TNRC6B: variants seen among roughly 807,000 people sequenced by gnomAD.
TNRC6B encodes the protein trinucleotide repeat containing adaptor 6B, also known as trinucleotide repeat-containing gene 6B protein.
TNRC6B carries 52 observed loss-of-function variants against 203.6 expected under a neutral mutation model. That is an observed-to-expected ratio of 0.26 (90% confidence interval 0.20 to 0.32). The LOEUF (loss-of-function observed/expected upper bound fraction) is 0.32, where lower values mean the gene tolerates loss of function less well. Among genes scored for constraint, TNRC6B ranks in the 10% least tolerant of loss-of-function variants. The pLI is 1.00. For synonymous variants in TNRC6B, 838 were observed against 845.7 expected (o/e 0.99, Z 0.16); for missense variants, 1,923 against 2,286.2 (o/e 0.84, Z 3.24).
intron 1 of TNRC6B, among the ~76,000 whole-genome samples, chr22:40,222,508 C>T (rs1488068212): frequency 1.3e-5 from 2 of 152,082 alleles, no homozygotes; most frequent in African/African-American, 4.8e-5. Context: ...CTAAGGTGGC[C>T]TTTCTTCTGA....
At chr22:40,192,708 C>G (rs1871494769) in intron 1 of TNRC6B, among the ~76,000 whole-genome samples, 1 of 151,702 alleles carries the variant, frequency 6.6e-6, no homozygotes, top group Non-Finnish European at 1.5e-5. Flanking sequence ...GATCCTAGAT[C>G]AGCCCCAGGC....
chr22:40,255,889 G>A (rs1223477046), intron 3 of TNRC6B, among the ~76,000 whole-genome samples: 1 of 152,120 alleles, frequency 6.6e-6, no homozygotes, highest in East Asian at 1.9e-4. Flanking sequence ...GTCTTGCTCT[G>A]TTGCCCCAGC....
At chr22:40,263,548 G>T (rs1051890862) in intron 4 of TNRC6B, among the ~76,000 whole-genome samples, 3 of 152,104 alleles carry the variant, frequency 2.0e-5, no homozygotes, top group Admixed American at 2.0e-4. Context: ...CTCGAGTTTC[G>T]GTTTCTATGC....
At position 40,326,514 on chromosome 22, in the gene TNRC6B, GTGTT is replaced by G. The variant is rs1313260712; in HGVS notation, c.*3276_*3279del. On this transcript the variant is annotated 3_prime_UTR_variant, in exon 23 of 23. Transcript: ENST00000454349. ...AAATTGTGTGTAGTTTAATGGGAGA[GTGTT>G]TGGTGTATATAGATGAGAATGCCAT... 1 of 152,614 alleles carries G rather than the reference GTGTT, an allele frequency of 6.6e-6. No homozygotes were observed. 9.5% of individuals were successfully genotyped at this position (152,614 alleles called of 1,614,324 possible). A position where few individuals can be genotyped will look rare whatever the true frequency, so the allele number is the denominator to read the frequency against.
chr22:40,165,754 G>T (rs1233876656), intron 4 of TNRC6B, among the ~76,000 whole-genome samples: 1 of 152,078 alleles, frequency 6.6e-6, no homozygotes, highest in Non-Finnish European at 1.5e-5. Flanking sequence ...GCTGAGCAAT[G>T]GGGGGGAAAG....
chr22:40,325,123 G>C lies in TNRC6B; in HGVS notation c.*1882G>C, dbSNP rs1489215332. ...GTTTAACATAAAGTGCCGACATTTTGTACCAGCAAATACCTGCCCATTCCA... is the reference window on the plus strand; with the variant it reads ...GTTTAACATAAAGTGCCGACATTTTCTACCAGCAAATACCTGCCCATTCCA... On this transcript the variant is annotated 3_prime_UTR_variant, in exon 23 of 23. Transcript: ENST00000454349. The C allele has an allele frequency of 6.6e-6, 1 of 152,610 alleles. No individual in the cohort carries two copies. Among genetic ancestry groups the C allele is most frequent in the East Asian group, 1.9e-4 (1 of 5,196 alleles). 9.5% of individuals were successfully genotyped at this position (152,610 alleles called of 1,614,324 possible).
intron 1 of TNRC6B, among the ~76,000 whole-genome samples, chr22:40,193,999 CAGTT>C (rs1226191409): frequency 2.0e-5 from 3 of 152,050 alleles, no homozygotes; most frequent in African/African-American, 7.3e-5. Context: ...GTGAAGAACA[CAGTT>C]AGTTGGGGTT....
At chr22:40,262,996 C>T (rs565852822) in intron 4 of TNRC6B, among the ~76,000 whole-genome samples, 5 of 150,074 alleles carry the variant, frequency 3.3e-5, no homozygotes, top group South Asian at 2.1e-4. Context: ...GCCGAGGTCG[C>T]GCCATTGCAC....
At chr22:40,058,743 A>G (rs1020501830) in intron 1 of TNRC6B, among the ~76,000 whole-genome samples, 1 of 152,162 alleles carries the variant, frequency 6.6e-6, no homozygotes, top group African/African-American at 2.4e-5. Flanking sequence ...CCACCTGCCC[A>G]GTACTTGAAT....
chr22:40,053,559 A>C (rs1316972429), intron 1 of TNRC6B, among the ~76,000 whole-genome samples: 1 of 152,142 alleles, frequency 6.6e-6, no homozygotes, highest in Non-Finnish European at 1.5e-5. Flanking sequence ...GTTCTCTTAG[A>C]CTTTACTCAT....
chr22:40,308,335 C>G (rs914856174), intron 15 of TNRC6B, among the ~76,000 whole-genome samples, 177 bp from the exon 16 acceptor site: 1 of 152,210 alleles, frequency 6.6e-6, no homozygotes, highest in African/African-American at 2.4e-5. Context: ...AGAGAGACAT[C>G]ACTTATTTAG....
intron 10 of TNRC6B, 68 bp from the exon 11 acceptor site, chr22:40,281,051 C>T: frequency 3.8e-6 from 5 of 1,308,108 alleles, no homozygotes; most frequent in South Asian, 1.6e-5. Flanking sequence ...CTCTCTTTTC[C>T]CTTCTTGCAT....
intron 1 of TNRC6B, among the ~76,000 whole-genome samples, chr22:40,047,037 C>G (rs1420118235): frequency 6.6e-6 from 1 of 152,124 alleles, no homozygotes; most frequent in Non-Finnish European, 1.5e-5. Context: ...CTATGCCAGC[C>G]TTTTGACATC....
intron 1 of TNRC6B, among the ~76,000 whole-genome samples, chr22:40,196,442 G>A (rs2069338377): frequency 6.6e-6 from 1 of 152,090 alleles, no homozygotes; most frequent in Non-Finnish European, 1.5e-5. Flanking sequence ...ACCCACCACT[G>A]AATAAATGAG....
At chr22:40,091,226 G>A (rs189217763) in intron 1 of TNRC6B, among the ~76,000 whole-genome samples, 13 of 151,824 alleles carry the variant, frequency 8.6e-5, no homozygotes, top group Non-Finnish European at 1.6e-4. Context: ...CTCGTGATCC[G>A]CCCGCCTCAG....
chr22:40,075,994 A>G (rs1013646150), intron 1 of TNRC6B, among the ~76,000 whole-genome samples: 1 of 152,238 alleles, frequency 6.6e-6, no homozygotes, highest in African/African-American at 2.4e-5. Context: ...AAAAGCCTGA[A>G]AAAGAAAAGT....
chr22:40,215,071 T>TA (rs1170212028), intron 1 of TNRC6B, among the ~76,000 whole-genome samples: 10 of 152,140 alleles, frequency 6.6e-5, no homozygotes, highest in Non-Finnish European at 1.5e-4. Context: ...CTTTTTTTTT[T>TA]AACCTTTTAA....
intron 2 of TNRC6B, among the ~76,000 whole-genome samples, chr22:40,120,648 T>C (rs1234509876): frequency 4.6e-5 from 7 of 152,186 alleles, no homozygotes; most frequent in Admixed American, 4.6e-4. Context: ...ATGTCAGATA[T>C]AAGTTGAGAT....
intron 1 of TNRC6B, among the ~76,000 whole-genome samples, chr22:40,208,631 A>G (rs1191805829): frequency 2.6e-5 from 4 of 152,178 alleles, no homozygotes; most frequent in Non-Finnish European, 5.9e-5. Flanking sequence ...TGGAGTAGGG[A>G]AAGGTGGGAT....
Sources: gnomAD v4.1 joint callset for allele counts (sites outside exome capture counted in the v4.1 genomes callset) on GRCh38, gnomAD v4.1.1 for gene constraint, MANE v1.5 for transcripts, NCBI Gene and HGNC (gene_info 2026-07-23, HGNC 2026-07-21) for gene names.